PSIP1: variants seen among roughly 807,000 people sequenced by gnomAD.
PSIP1 encodes the protein PC4 and SRSF1 interacting protein 1.
A neutral mutation model predicts 74.7 loss-of-function variants in PSIP1; 19 were observed. The ratio of observed to expected loss-of-function variants is 0.25; its 90% confidence interval spans 0.18 to 0.37. PSIP1 has a LOEUF of 0.37. PSIP1 is among the 10% of genes least tolerant of loss of function. PSIP1 has a pLI of 1.00. For synonymous variants in PSIP1, 222 were observed against 195.3 expected (o/e 1.14, Z -1.14); for missense variants, 601 against 614.3 (o/e 0.98, Z 0.23).
intron 9 of PSIP1, 83 bp downstream of exon 9, chr9:15,473,926 A>G (rs867692929): frequency 2.6e-5 from 20 of 769,074 alleles, no homozygotes; most frequent in South Asian, 1.0e-4. Flanking sequence ...AAAAAAAAAA[A>G]CAAAAAAAAA....
At chr9:15,490,901 G>A (rs1229725499) in intron 3 of PSIP1, among the ~76,000 whole-genome samples, 1 of 152,060 alleles carries the variant, frequency 6.6e-6, no homozygotes. Flanking sequence ...GAGGGAATCA[G>A]ACATATTATA....
chr9:15,490,546 G>C (rs1027759586), intron 3 of PSIP1, among the ~76,000 whole-genome samples: 4 of 152,104 alleles, frequency 2.6e-5, no homozygotes, highest in Admixed American at 2.0e-4. Flanking sequence ...AGCCGGGCGT[G>C]GTGGCGTGCA....
intron 6 of PSIP1, among the ~76,000 whole-genome samples, chr9:15,484,597 T>C (rs540136041): frequency 6.6e-6 from 1 of 151,860 alleles, no homozygotes; most frequent in African/African-American, 2.4e-5. Flanking sequence ...CATGGTGGTG[T>C]GCACCCGTAA....
At chr9:15,465,606 C>T (rs766998099) in intron 15 of PSIP1, 26 bp from the exon 16 acceptor site, 3 of 1,523,806 alleles carry the variant, frequency 2.0e-6, no homozygotes, top group Admixed American at 3.8e-5. Context: ...AAAGGTACAA[C>T]TGGAATTAGG....
chr9:15,480,538 C>CA (rs2036291716), intron 6 of PSIP1, among the ~76,000 whole-genome samples: 1 of 152,222 alleles, frequency 6.6e-6, no homozygotes, highest in Admixed American at 6.5e-5. Context: ...CATACATTGA[C>CA]TACCAATGAT....
chr9:15,473,915 C>T (rs796210920), intron 9 of PSIP1, 94 bp downstream of exon 9: 9 of 600,660 alleles, frequency 1.5e-5, no homozygotes, highest in Non-Finnish European at 2.0e-5. Context: ...AAAAAAAAAA[C>T]AAAAAAAAAA....
chr9:15,478,327 A>G, intron 8 of PSIP1, 150 bp downstream of exon 8: 3 of 630,026 alleles, frequency 4.8e-6, no homozygotes, highest in Non-Finnish European at 8.0e-6. Context: ...TACTTTACAA[A>G]ATTTTCCCAG....
Position 15,486,898 on chromosome 9 carries a change from C to T in PSIP1, c.322G>A (p.Val108Ile). The T allele has an allele frequency of 6.2e-7, 1 of 1,612,094 alleles. No individual in the cohort carries two copies. The highest frequency in any genetic ancestry group is 2.2e-5 in the East Asian group (1 of 44,744). ...CTAGTTTCCTTTTCTTCAACTTCAACATCAGATGATGCATTTGATTGTTTA... is the reference window on the plus strand; with the variant it reads ...CTAGTTTCCTTTTCTTCAACTTCAATATCAGATGATGCATTTGATTGTTTA... Reference protein sequence around the residue: ...ATKQSNASSDVEVEEKETSVS... With the variant: ...ATKQSNASSDIEVEEKETSVS... Residue 108 changes from valine to isoleucine, a missense_variant, in exon 5 of 16, where the codon GTT becomes ATT. Physicochemically the swap from Val to Ile is conservative, Grantham distance 29. Transcript: ENST00000380733.
intron 6 of PSIP1, among the ~76,000 whole-genome samples, chr9:15,482,118 AACAC>A (rs1034560381): frequency 6.6e-6 from 1 of 151,950 alleles, no homozygotes; most frequent in Non-Finnish European, 1.5e-5. Context: ...CTTAACTAAA[AACAC>A]ACCACTTCAC....
rs971112658 is a variant in PSIP1, at chr9:15,510,866, A to G, written c.-191T>C. On this transcript the variant is annotated 5_prime_UTR_variant, in exon 1 of 16. Coordinates refer to ENST00000380733, the MANE Select transcript of PSIP1 (RefSeq NM_033222.5). ...CTGCGGTTGCTGGCCGGTCGCCTCT[A>G]CCCGCGTCCACGCAAGCCACCTGCG... 1 of 151,924 alleles carries G rather than the reference A, an allele frequency of 6.6e-6. No homozygotes were observed. The highest frequency in any genetic ancestry group is 1.5e-5 in the Non-Finnish European group (1 of 67,982). The allele number at this position is 151,924 out of a possible 1,614,324, so 9.4% of individuals were successfully genotyped here. A position where few individuals can be genotyped will look rare whatever the true frequency, so the allele number is the denominator to read the frequency against.
At position 15,468,722 on chromosome 9, in the gene PSIP1, G is replaced by T; in HGVS notation, c.1328C>A (p.Ser443Tyr). Residue 443 changes from serine to tyrosine, a missense_variant, in exon 14 of 16, where the codon TCT becomes TAT. Transcript: ENST00000380733. The stretch of plus-strand genomic sequence containing the variant: ...CTCATGCTGTCTTTGTTCAGCAAGA[G>T]ATTTATTCAGCACTTGGGTGATCAC... ...DSVITQVLNK[S>Y]LAEQRQHEEA... 6.2e-7 allele frequency: 1 copy of T among 1,614,088 alleles called. No individual in the cohort carries two copies. Among genetic ancestry groups the T allele is most frequent in the Non-Finnish European group, 8.5e-7 (1 of 1,179,992 alleles).
intron 15 of PSIP1, 38 bp downstream of exon 15, chr9:15,466,710 T>G: frequency 6.7e-7 from 1 of 1,501,090 alleles, no homozygotes; most frequent in African/African-American, 1.4e-5. Context: ...ACCTGAATAA[T>G]AAAAAACACA....
chr9:15,479,729 G>C, intron 6 of PSIP1, 42 bp from the exon 7 acceptor site: 2 of 1,527,350 alleles, frequency 1.3e-6, no homozygotes, highest in African/African-American at 1.4e-5. Context: ...GCAAATAGTA[G>C]GCACTCAAAG....
intron 10 of PSIP1, 199 bp downstream of exon 10, chr9:15,472,433 C>T: frequency 2.9e-6 from 4 of 1,366,994 alleles, no homozygotes; most frequent in Non-Finnish European, 3.7e-6. Flanking sequence ...GAGTGACTGC[C>T]TCAGTCAATT....
In PSIP1 at chr9:15,497,325, C is replaced by CTTTTTTTTTTTTT. The variant is rs767922897; in HGVS notation, c.150-7214_150-7202dup. Among the ~76,000 whole-genome samples, 575 of 118,452 alleles carry CTTTTTTTTTTTTT rather than the reference C, an allele frequency of 4.9e-3. 63 individuals carry two copies. Among genetic ancestry groups the CTTTTTTTTTTTTT allele is most frequent in the African/African-American group, 0.018 (443 of 24,788 alleles). The allele number at this position is 118,452 out of a possible 152,430, so 77.7% of individuals were successfully genotyped here. On this transcript the variant is annotated intron_variant, in intron 3 of 15. Coordinates refer to ENST00000380733, the MANE Select transcript of PSIP1 (RefSeq NM_033222.5). ...CTGAAGACCACACGTTCTATGATTC[C>CTTTTTTTTTTTTT]TTTTTTTTTTTTTTTTGAGACAGAG...
chr9:15,475,550 G>T (rs1340818755), intron 8 of PSIP1, among the ~76,000 whole-genome samples: 1 of 152,110 alleles, frequency 6.6e-6, no homozygotes, highest in Non-Finnish European at 1.5e-5. Context: ...ATGTACAAAA[G>T]AATAGATGAC....
At chr9:15,494,765 T>TA (rs1395425341) in intron 3 of PSIP1, among the ~76,000 whole-genome samples, 1 of 152,154 alleles carries the variant, frequency 6.6e-6, no homozygotes, top group African/African-American at 2.4e-5. Context: ...ACTTTGGAGT[T>TA]AAACTGAAAT....
Position 15,486,949 on chromosome 9 carries a change from T to A in PSIP1, c.289-18A>T. 2.0e-6 allele frequency: 3 copies of A among 1,498,602 alleles called. No individual in the cohort carries two copies. The highest frequency in any genetic ancestry group is 2.7e-6 in the Non-Finnish European group (3 of 1,092,982). 92.8% of individuals were successfully genotyped at this position (1,498,602 alleles called of 1,614,324 possible). A position where few individuals can be genotyped will look rare whatever the true frequency, so the allele number is the denominator to read the frequency against. On this transcript the variant is annotated intron_variant, in intron 4 of 15. Coordinates refer to ENST00000380733, the MANE Select transcript of PSIP1 (RefSeq NM_033222.5). The stretch of plus-strand genomic sequence containing the variant: ...GTTGCTGCCTGTGAGCAATCAACTC[T>A]ATTAATTTCAAAAAATAAGTTTTTA...
intron 10 of PSIP1, chr9:15,471,146 T>A: frequency 6.2e-7 from 1 of 1,606,170 alleles, no homozygotes. Context: ...TTTGCTCCAC[T>A]TGTATTCTCT....
Sources: gnomAD v4.1 joint callset for allele counts (sites outside exome capture counted in the v4.1 genomes callset) on GRCh38, gnomAD v4.1.1 for gene constraint, MANE v1.5 for transcripts, NCBI Gene and HGNC (gene_info 2026-07-23, HGNC 2026-07-21) for gene names.